Variants in ATP9B observed in about 807,000 individuals in gnomAD.
The protein encoded by ATP9B is probable phospholipid-transporting ATPase IIB.
In ATP9B, 110 loss-of-function variants were observed where a neutral mutation model predicts 146.1. That is an observed-to-expected ratio of 0.75 (90% CI 0.65 to 0.88). The LOEUF (loss-of-function observed/expected upper bound fraction) is 0.88, where lower values mean the gene tolerates loss of function less well. Ranked by LOEUF, ATP9B falls within the 40% of genes least tolerant of loss-of-function variation. The pLI, the probability that ATP9B is intolerant of heterozygous loss-of-function variation, is 0.00. For missense variants in ATP9B, 1,499 were observed against 1,496.4 expected (o/e 1.00, Z -0.03); for synonymous variants, 604 against 569.7 (o/e 1.06, Z -0.86).
intron 15 of ATP9B, among the ~76,000 whole-genome samples, chr18:79,324,385 C>T (rs2096732933): frequency 6.6e-6 from 1 of 152,138 alleles, no homozygotes; most frequent in Admixed American, 6.5e-5. Context: ...TTGCCCAGAC[C>T]AAAGTGCCCT....
chr18:79,270,467 T>G (rs569533226), intron 12 of ATP9B, among the ~76,000 whole-genome samples: 1 of 152,340 alleles, frequency 6.6e-6, no homozygotes, highest in Non-Finnish European at 1.5e-5. Flanking sequence ...AACCTTGATT[T>G]CAAATATCAA....
intron 15 of ATP9B, among the ~76,000 whole-genome samples, chr18:79,323,494 ACTCT>A (rs1235272715): frequency 6.6e-6 from 1 of 151,762 alleles, no homozygotes; most frequent in Non-Finnish European, 1.5e-5. Context: ...CCATCATTCT[ACTCT>A]CTGTCTCCAG....
chr18:79,101,608 C>T (rs2075286427), intron 2 of ATP9B, among the ~76,000 whole-genome samples: 1 of 152,082 alleles, frequency 6.6e-6, no homozygotes, highest in South Asian at 2.1e-4. Context: ...AAGAAACTGC[C>T]AAAATATTTC....
At chr18:79,372,007 G>A (rs2097074022) in intron 26 of ATP9B, among the ~76,000 whole-genome samples, 1 of 152,220 alleles carries the variant, frequency 6.6e-6, no homozygotes, top group South Asian at 2.1e-4. Flanking sequence ...AGATGCGAAG[G>A]TGTCAAACAA....
chr18:79,103,285 T>TTA (rs58177335), intron 2 of ATP9B, among the ~76,000 whole-genome samples: 8,097 of 149,632 alleles, frequency 0.054, 772 homozygotes, highest in African/African-American at 0.19. Context: ...TTTTTTTTTT[T>TTA]AAGAAATCTA....
At chr18:79,235,021 C>T (rs1022457049) in intron 11 of ATP9B, among the ~76,000 whole-genome samples, 2 of 152,086 alleles carry the variant, frequency 1.3e-5, no homozygotes, top group Non-Finnish European at 2.9e-5. Context: ...TACAGGTGCC[C>T]ATGACCATGC....
chr18:79,166,260 G>A (rs2094962898), intron 7 of ATP9B, among the ~76,000 whole-genome samples: 1 of 152,172 alleles, frequency 6.6e-6, no homozygotes, highest in Admixed American at 6.5e-5. Flanking sequence ...AAGCTTCATG[G>A]AGAGTCCTAG....
chr18:79,087,158 C>G (rs2073915141), intron 1 of ATP9B: 1 of 152,258 alleles, frequency 6.6e-6, no homozygotes, highest in Non-Finnish European at 1.5e-5. Context: ...GGTTTCCTCA[C>G]ATGGCAGAAG....
At chr18:79,311,084 G>A (rs554019877) in intron 15 of ATP9B, among the ~76,000 whole-genome samples, 14 of 151,972 alleles carry the variant, frequency 9.2e-5, no homozygotes, top group African/African-American at 2.4e-4. Flanking sequence ...CCCAGGAGGC[G>A]GAGGTTGCAG....
At chr18:79,209,713 C>G in intron 10 of ATP9B, 1 of 979,118 alleles carries the variant, frequency 1.0e-6, no homozygotes, top group Non-Finnish European at 1.2e-6. Flanking sequence ...ACTCGAGAAG[C>G]TTAATTAAGG....
At chr18:79,302,489 G>A (rs1284968102) in intron 13 of ATP9B, among the ~76,000 whole-genome samples, 2 of 152,190 alleles carry the variant, frequency 1.3e-5, no homozygotes, top group Admixed American at 6.5e-5. Context: ...ACCACACATC[G>A]CAGCACGCTA....
At chr18:79,160,123 T>C (rs972987684) in intron 7 of ATP9B, among the ~76,000 whole-genome samples, 1 of 152,244 alleles carries the variant, frequency 6.6e-6, no homozygotes, top group Non-Finnish European at 1.5e-5. Context: ...TCTTTTGTTT[T>C]AAATATTTTC....
intron 15 of ATP9B, among the ~76,000 whole-genome samples, chr18:79,311,951 C>T (rs897511933): frequency 7.2e-5 from 11 of 152,198 alleles, no homozygotes; most frequent in Non-Finnish European, 1.5e-4. Flanking sequence ...CGCACTTGCA[C>T]GCAGCCATGC....
At chr18:79,148,499 C>T (rs2094628709) in intron 6 of ATP9B, among the ~76,000 whole-genome samples, 1 of 152,194 alleles carries the variant, frequency 6.6e-6, no homozygotes, top group Admixed American at 6.5e-5. Context: ...AGAAAAATCA[C>T]ACAATCAGTT....
At chr18:79,102,026 A>G (rs1015313509) in intron 2 of ATP9B, among the ~76,000 whole-genome samples, 1 of 152,058 alleles carries the variant, frequency 6.6e-6, no homozygotes, top group Non-Finnish European at 1.5e-5. Flanking sequence ...GCTCACTGCA[A>G]CTTCCGCCTC....
Position 79,091,234 on chromosome 18 carries a change from CT to C in ATP9B, c.120-5237del, listed in dbSNP as rs1370172451. Among the ~76,000 whole-genome samples the C allele has an allele frequency of 4.6e-5, 7 of 152,196 alleles. No individual in the cohort carries two copies. In the East Asian group the frequency reaches 1.2e-3, roughly 25 times the overall value. On this transcript the variant is annotated intron_variant, in intron 1 of 29. Transcript: ENST00000426216. Reference sequence around the variant, plus strand: ...GTAATGTGATTCCTCCAGTTTTGTTCTTTTTGCTTAGGATAGCTGTAACTAT... The same window carrying C: ...GTAATGTGATTCCTCCAGTTTTGTTCTTTTGCTTAGGATAGCTGTAACTAT...
intron 22 of ATP9B, 21 bp from the exon 23 acceptor site, chr18:79,345,754 C>T: frequency 1.9e-6 from 3 of 1,614,176 alleles, no homozygotes; most frequent in Non-Finnish European, 2.5e-6. Flanking sequence ...TTTATTTCAT[C>T]TCACTTTTCT....
intron 11 of ATP9B, among the ~76,000 whole-genome samples, chr18:79,248,833 A>G (rs1001041273): frequency 3.3e-5 from 5 of 152,194 alleles, no homozygotes; most frequent in African/African-American, 1.2e-4. Context: ...GATGGGTGAG[A>G]GTGTTTGGAT....
At chr18:79,140,868 A>G (rs1454386276) in intron 5 of ATP9B, among the ~76,000 whole-genome samples, 1 of 152,188 alleles carries the variant, frequency 6.6e-6, no homozygotes, top group Non-Finnish European at 1.5e-5. Flanking sequence ...TGTTCATGGG[A>G]ACAAGTGAGA....
Sources: gnomAD v4.1 joint callset for allele counts (sites outside exome capture counted in the v4.1 genomes callset) on GRCh38, gnomAD v4.1.1 for gene constraint, MANE v1.5 for transcripts, NCBI Gene and HGNC (gene_info 2026-07-23, HGNC 2026-07-21) for gene names.